Variants in KCNJ5 observed in about 807,000 individuals in gnomAD.
KCNJ5 encodes the protein potassium inwardly rectifying channel subfamily J member 5.
A neutral mutation model predicts 20.2 loss-of-function variants in KCNJ5; 12 were observed. The observed-to-expected ratio is 0.59, with a 90% CI of 0.38 to 0.96. The LOEUF (loss-of-function observed/expected upper bound fraction) is 0.96, where lower values mean the gene tolerates loss of function less well. Ranked by LOEUF, KCNJ5 falls within the 40% of genes least tolerant of loss-of-function variation. The probability of loss-of-function intolerance (pLI) is 0.00; values close to 1 mark genes in which losing one functional copy is unlikely to be tolerated. For missense variants in KCNJ5, 449 were observed against 557.6 expected (o/e 0.81, Z 1.96); for synonymous variants, 210 against 213.9 (o/e 0.98, Z 0.16).
chr11:128,904,628 C>G (rs1191540341), intron 1 of KCNJ5: 1 of 738,270 alleles, frequency 1.4e-6, no homozygotes, highest in Non-Finnish European at 2.5e-6. Context: ...AATCAGAACC[C>G]GCATTTTAGC....
At position 128,913,142 on chromosome 11, in the gene KCNJ5, A is replaced by G. The variant is rs1042559346; in HGVS notation, c.937+932A>G. On this transcript the variant is annotated intron_variant, in intron 2 of 2. Coordinates refer to ENST00000529694, the MANE Select transcript of KCNJ5 (RefSeq NM_000890.5). ...AATTTCCTAAACTCAAAAGGTTCTC[A>G]CCAACCCCTTACTTGGAGAGACCTT... Among the ~76,000 whole-genome samples the G allele has an allele frequency of 2.0e-5, 3 of 152,160 alleles. No individual in the cohort carries two copies. The East Asian group carries it at 5.8e-4, about 29-fold the overall frequency.
chr11:128,907,502 T>C (rs914521026), intron 1 of KCNJ5, among the ~76,000 whole-genome samples: 3 of 152,222 alleles, frequency 2.0e-5, no homozygotes, highest in African/African-American at 7.2e-5. Flanking sequence ...CTCTTTTGAG[T>C]CTTTCTCCAC....
At chr11:128,904,545 T>G in intron 1 of KCNJ5, 2 of 1,264,750 alleles carry the variant, frequency 1.6e-6, no homozygotes, top group Non-Finnish European at 2.3e-6. Flanking sequence ...AGGTGTGCAC[T>G]GAGGACCAGC....
intron 1 of KCNJ5, among the ~76,000 whole-genome samples, chr11:128,896,084 CTT>C (rs1320066629): frequency 1.3e-5 from 2 of 152,188 alleles, no homozygotes; most frequent in Non-Finnish European, 2.9e-5. Flanking sequence ...CCCTCTCTCT[CTT>C]TCTCAGTTTG....
In KCNJ5 at chr11:128,917,441, T is replaced by A. The variant is rs900029203; in HGVS notation, c.*710T>A. On this transcript the variant is annotated 3_prime_UTR_variant, in exon 3 of 3. Transcript: ENST00000529694. ...GGACTAGACAGCCCCTCTGAGCACATGCATAGTGGCATCAGCAGCTTCCTG... is the reference window on the plus strand; with the variant it reads ...GGACTAGACAGCCCCTCTGAGCACAAGCATAGTGGCATCAGCAGCTTCCTG... The A allele has an allele frequency of 2.2e-4, 34 of 152,434 alleles. 1 individual carries two copies. Among genetic ancestry groups the A allele is most frequent in the African/African-American group, 8.2e-4 (34 of 41,464 alleles). The allele number at this position is 152,434 out of a possible 1,614,324, so 9.4% of individuals were successfully genotyped here.
rs578156367 is a variant in KCNJ5, at chr11:128,916,371, T to A, written c.938-38T>A. 5 of 1,440,852 alleles carry A rather than the reference T, an allele frequency of 3.5e-6. No individual in the cohort carries two copies. In the African/African-American group the frequency reaches 5.6e-5, roughly 16 times the overall value. The allele number at this position is 1,440,852 out of a possible 1,614,324, so 89.3% of individuals were successfully genotyped here. A position where few individuals can be genotyped will look rare whatever the true frequency, so the allele number is the denominator to read the frequency against. On this transcript the variant is annotated intron_variant, in intron 2 of 2. Transcript: ENST00000529694. ...ATGAATGGATGGATAGATGGATGGA[T>A]GATTGCATCATAATGCATGTAACTT...
intron 1 of KCNJ5, among the ~76,000 whole-genome samples, chr11:128,897,240 G>C (rs906472666): frequency 6.6e-6 from 1 of 151,798 alleles, no homozygotes; most frequent in African/African-American, 2.4e-5. Flanking sequence ...TGGGACTACA[G>C]GTGCGTGCCA....
intron 1 of KCNJ5, among the ~76,000 whole-genome samples, chr11:128,896,824 A>C (rs527668434): frequency 6.6e-6 from 1 of 152,166 alleles, no homozygotes; most frequent in Non-Finnish European, 1.5e-5. Flanking sequence ...ACAGGTTTTC[A>C]TGTCTCTGGG....
intron 1 of KCNJ5, chr11:128,904,750 G>C (rs1052812619): frequency 5.8e-6 from 3 of 515,424 alleles, no homozygotes; most frequent in Non-Finnish European, 1.0e-5. Context: ...GTTGAGTGGG[G>C]GTTCGCTGAC....
chr11:128,897,575 T>C (rs1387452433), intron 1 of KCNJ5, among the ~76,000 whole-genome samples: 4 of 152,228 alleles, frequency 2.6e-5, no homozygotes, highest in South Asian at 4.1e-4. Context: ...AGATATGTAA[T>C]TTACAAATAT....
At chr11:128,895,387 C>CA (rs975978745) in intron 1 of KCNJ5, among the ~76,000 whole-genome samples, 21 of 150,226 alleles carry the variant, frequency 1.4e-4, no homozygotes, top group South Asian at 2.1e-4. Context: ...CCCCCACCCC[C>CA]CCCCCAACCC....
chr11:128,892,209 G>A (rs971479304), intron 1 of KCNJ5, among the ~76,000 whole-genome samples: 5 of 152,140 alleles, frequency 3.3e-5, no homozygotes, highest in African/African-American at 4.8e-5. Context: ...TGCCCCCCTC[G>A]CTGCCCAAGT....
intron 1 of KCNJ5, chr11:128,902,329 G>A (rs931014728): frequency 3.5e-5 from 21 of 606,140 alleles, no homozygotes; most frequent in Non-Finnish European, 5.8e-5. Flanking sequence ...AGGACTCAGC[G>A]CTTGCAGTCA....
In KCNJ5 at chr11:128,919,527, TC is replaced by T. The variant is rs1329152891; in HGVS notation, c.*2800del. 1.3e-5 allele frequency: 2 copies of T among 152,274 alleles called. No individual in the cohort carries two copies. Among genetic ancestry groups the T allele is most frequent in the Non-Finnish European group, 2.9e-5 (2 of 68,060 alleles). 9.4% of individuals were successfully genotyped at this position (152,274 alleles called of 1,614,324 possible). ...ACTCCCCCTTCACATCCTGAGGAAA[TC>T]CCCTTCCTGGTGACCAACTGATGCA... On this transcript the variant is annotated 3_prime_UTR_variant, in exon 3 of 3. Transcript: ENST00000529694.
At chr11:128,902,891 A>G (rs1294629161) in intron 1 of KCNJ5, among the ~76,000 whole-genome samples, 3 of 152,206 alleles carry the variant, frequency 2.0e-5, no homozygotes, top group Non-Finnish European at 1.5e-5. Flanking sequence ...TCTGACTCAC[A>G]CATAGATTCT....
At position 128,912,077 on chromosome 11, in the gene KCNJ5, C is replaced by T; in HGVS notation, c.804C>T (p.Leu268=). The T allele has an allele frequency of 1.2e-6, 2 of 1,613,962 alleles. No individual in the cohort carries two copies. The highest frequency in any genetic ancestry group is 2.2e-5 in the South Asian group (2 of 91,084). The change falls in exon 2 of 3, where the codon CTC becomes CTT. Residue 268 remains leucine (L), a synonymous_variant. Transcript: ENST00000529694. The part of the protein sequence containing the change: ...NVGFDTGDDR[L]FLVSPLIISH... ...GCTTTGACACGGGCGACGACCGCCT[C>T]TTCCTTGTGTCTCCTCTGATCATCT... is the stretch of plus-strand genomic sequence containing the variant.
At chr11:128,916,316 G>A in intron 2 of KCNJ5, 93 bp from the exon 3 acceptor site, 17 of 909,988 alleles carry the variant, frequency 1.9e-5, no homozygotes, top group Non-Finnish European at 2.9e-5. Flanking sequence ...ATGGATAGAT[G>A]GATGGATGGA....
chr11:128,903,864 A>G (rs999557896), intron 1 of KCNJ5, among the ~76,000 whole-genome samples: 1 of 152,054 alleles, frequency 6.6e-6, no homozygotes, highest in African/African-American at 2.4e-5. Context: ...AGCGGACCAC[A>G]TGGCAGGAAA....
chr11:128,907,161 G>A (rs971871896), intron 1 of KCNJ5, among the ~76,000 whole-genome samples: 7 of 152,212 alleles, frequency 4.6e-5, no homozygotes, highest in South Asian at 2.1e-4. Context: ...ACTTCATCCC[G>A]TGTTTCAAAG....
Sources: gnomAD v4.1 joint callset for allele counts (sites outside exome capture counted in the v4.1 genomes callset) on GRCh38, gnomAD v4.1.1 for gene constraint, MANE v1.5 for transcripts, NCBI Gene and HGNC (gene_info 2026-07-23, HGNC 2026-07-21) for gene names.